The following GPC6 variants were observed in gnomAD, a reference collection of about 807,000 sequenced individuals.
GPC6 encodes glypican-6.
In GPC6, 14 loss-of-function variants were observed where a neutral mutation model predicts 55.2. That is an observed-to-expected ratio of 0.25 (90% CI 0.17 to 0.40). GPC6 has a LOEUF of 0.40. Ranked by LOEUF, GPC6 falls within the 10% of genes least tolerant of loss-of-function variation. The probability of loss-of-function intolerance (pLI) is 1.00; values close to 1 mark genes in which losing one functional copy is unlikely to be tolerated. For synonymous variants in GPC6, 278 were observed against 259.6 expected, an observed-to-expected ratio of 1.07 and a Z score of -0.68; for missense variants, 641 against 708.5, an observed-to-expected ratio of 0.90 and a Z score of 1.08.
intron 1 of GPC6, among the ~76,000 whole-genome samples, chr13:93,301,584 G>A (rs1346270150): frequency 6.6e-6 from 1 of 152,178 alleles, no homozygotes; most frequent in Non-Finnish European, 1.5e-5. Flanking sequence ...AAAGGAGACT[G>A]TTGCTCCTTC....
chr13:93,261,661 G>C (rs1877152816), intron 1 of GPC6, among the ~76,000 whole-genome samples: 1 of 152,116 alleles, frequency 6.6e-6, no homozygotes, highest in Non-Finnish European at 1.5e-5. Flanking sequence ...GAGAAGTGTG[G>C]TTGCTGTTTG....
At chr13:93,830,074 G>A in intron 2 of GPC6, 80 bp from the exon 3 acceptor site, 1 of 912,584 alleles carries the variant, frequency 1.1e-6, no homozygotes, top group South Asian at 1.5e-5. Context: ...TCAATTAAAA[G>A]CAGTTGTACT....
intron 4 of GPC6, among the ~76,000 whole-genome samples, chr13:94,230,744 G>A (rs969450026): frequency 3.3e-5 from 5 of 152,114 alleles, no homozygotes; most frequent in African/African-American, 1.2e-4. Context: ...ATACAGCCTA[G>A]CGTATAAATG....
chr13:93,723,171 T>C (rs1000323615), intron 2 of GPC6, among the ~76,000 whole-genome samples: 3 of 151,968 alleles, frequency 2.0e-5, no homozygotes, highest in Admixed American at 6.6e-5. Flanking sequence ...CTTGCCTCTT[T>C]TACCTACCAA....
At chr13:94,342,400 G>C (rs1031594174) in intron 6 of GPC6, among the ~76,000 whole-genome samples, 2 of 152,152 alleles carry the variant, frequency 1.3e-5, no homozygotes, top group Non-Finnish European at 2.9e-5. Context: ...AGACCCAGAG[G>C]AGGCACATAC....
intron 4 of GPC6, among the ~76,000 whole-genome samples, chr13:94,088,002 G>T (rs753103902): frequency 6.6e-6 from 1 of 152,124 alleles, no homozygotes; most frequent in Non-Finnish European, 1.5e-5. Flanking sequence ...TAAAACTACT[G>T]CTATGAGCAT....
intron 1 of GPC6, among the ~76,000 whole-genome samples, chr13:93,538,622 G>A (rs959422447): frequency 1.6e-4 from 24 of 152,158 alleles, no homozygotes; most frequent in African/African-American, 5.1e-4. Context: ...CAAAGAAGTG[G>A]GAGGGCTTCC....
intron 3 of GPC6, among the ~76,000 whole-genome samples, chr13:93,869,255 T>A (rs189991441): frequency 6.6e-6 from 1 of 151,948 alleles, no homozygotes; most frequent in Non-Finnish European, 1.5e-5. Flanking sequence ...CAAATCAGTA[T>A]AGAACATTGA....
At chr13:93,798,564 C>A (rs566138650) in intron 2 of GPC6, among the ~76,000 whole-genome samples, 1 of 152,174 alleles carries the variant, frequency 6.6e-6, no homozygotes, top group South Asian at 2.1e-4. Flanking sequence ...CATGCTATAC[C>A]TTCCCTGAAA....
intron 4 of GPC6, among the ~76,000 whole-genome samples, chr13:94,187,542 A>C (rs1370751234): frequency 2.6e-5 from 4 of 152,342 alleles, no homozygotes; most frequent in Middle Eastern, 3.4e-3. Flanking sequence ...TGGAACATAT[A>C]ATCCAACATC....
chr13:94,368,251 C>T (rs1489652369), intron 6 of GPC6, among the ~76,000 whole-genome samples: 1 of 151,640 alleles, frequency 6.6e-6, no homozygotes, highest in Non-Finnish European at 1.5e-5. Context: ...TGATAGAGCC[C>T]AAAATGTTGG....
At chr13:93,876,448 A>C (rs1409952788) in intron 3 of GPC6, among the ~76,000 whole-genome samples, 1 of 152,078 alleles carries the variant, frequency 6.6e-6, no homozygotes, top group African/African-American at 2.4e-5. Context: ...TGATAAGCAC[A>C]CACGTCACTG....
chr13:94,334,967 G>A (rs1877606281), intron 6 of GPC6, among the ~76,000 whole-genome samples: 1 of 152,194 alleles, frequency 6.6e-6, no homozygotes, highest in Non-Finnish European at 1.5e-5. Flanking sequence ...TAGACACCAT[G>A]CAAATGCAAC....
At position 94,403,540 on chromosome 13, in the gene GPC6, G is replaced by A; in HGVS notation, c.*323G>A. 3.5e-6 allele frequency: 1 copy of A among 284,434 alleles called. No homozygotes were observed. Among genetic ancestry groups the A allele is most frequent in the Non-Finnish European group, 6.4e-6 (1 of 155,068 alleles). 17.6% of individuals were successfully genotyped at this position (284,434 alleles called of 1,614,324 possible). A position where few individuals can be genotyped will look rare whatever the true frequency, so the allele number is the denominator to read the frequency against. Reference sequence around the variant, plus strand: ...AAGTAAAGGAATCTCACGTTGTGAGGGTTTTTTTTTTCTCATTTAAAATAA... The same window carrying A: ...AAGTAAAGGAATCTCACGTTGTGAGAGTTTTTTTTTTCTCATTTAAAATAA... On this transcript the variant is annotated 3_prime_UTR_variant, in exon 9 of 9. Transcript: ENST00000377047.
intron 4 of GPC6, among the ~76,000 whole-genome samples, chr13:94,167,414 C>T (rs1162811507): frequency 6.6e-6 from 1 of 152,120 alleles, no homozygotes; most frequent in Admixed American, 6.6e-5. Context: ...TCTTCAAAAT[C>T]TCCTTTTTCA....
chr13:93,647,837 T>C (rs1403733396), intron 2 of GPC6, among the ~76,000 whole-genome samples: 1 of 152,202 alleles, frequency 6.6e-6, no homozygotes, highest in African/African-American at 2.4e-5. Flanking sequence ...TGTCTTTTTC[T>C]GTTCAAAGTC....
intron 3 of GPC6, among the ~76,000 whole-genome samples, chr13:93,884,248 T>G (rs1193953884): frequency 1.3e-5 from 2 of 152,138 alleles, no homozygotes; most frequent in Non-Finnish European, 2.9e-5. Flanking sequence ...GAATTTTATT[T>G]TTAATCTCTA....
intron 2 of GPC6, among the ~76,000 whole-genome samples, chr13:93,667,732 C>CTTTTTTTTTTTTTT (rs1386925190): frequency 1.1e-5 from 1 of 91,576 alleles, no homozygotes; most frequent in African/African-American, 4.7e-5. Flanking sequence ...CCAGCCAGGA[C>CTTTTTTTTTTTTTT]TTGTTTTTTT....
chr13:94,009,342 A>G (rs926062574), intron 3 of GPC6, among the ~76,000 whole-genome samples: 1 of 152,214 alleles, frequency 6.6e-6, no homozygotes, highest in African/African-American at 2.4e-5. Context: ...CAAAAATAAT[A>G]TAGTAGCAGA....
Sources: gnomAD v4.1 joint callset for allele counts (sites outside exome capture counted in the v4.1 genomes callset) on GRCh38, gnomAD v4.1.1 for gene constraint, MANE v1.5 for transcripts, NCBI Gene and HGNC (gene_info 2026-07-23, HGNC 2026-07-21) for gene names.